The following LRMDA variants were observed in gnomAD, a reference collection of about 807,000 sequenced individuals.
LRMDA encodes leucine-rich melanocyte differentiation-associated protein.
In LRMDA, 18 loss-of-function variants were observed where a neutral mutation model predicts 29.8. That is an observed-to-expected ratio of 0.60 (90% CI 0.42 to 0.90). The LOEUF (loss-of-function observed/expected upper bound fraction) is 0.90, where lower values mean the gene tolerates loss of function less well. Ranked by LOEUF, LRMDA falls within the 40% of genes least tolerant of loss-of-function variation. The pLI, the probability that LRMDA is intolerant of heterozygous loss-of-function variation, is 0.00. For missense variants in LRMDA, 273 were observed against 273.9 expected (o/e 1.00, Z 0.02); for synonymous variants, 125 against 109.4 (o/e 1.14, Z -0.89).
chr10:76,401,289 G>A (rs1371667002), intron 6 of LRMDA, among the ~76,000 whole-genome samples: 1 of 152,198 alleles, frequency 6.6e-6, no homozygotes, highest in African/African-American at 2.4e-5. Context: ...CAAAACAGAA[G>A]TGGTTTGTGG....
chr10:76,128,394 A>G (rs191910449), intron 5 of LRMDA, among the ~76,000 whole-genome samples: 10 of 152,312 alleles, frequency 6.6e-5, no homozygotes, highest in Admixed American at 4.6e-4. Context: ...AGTTCTGTCA[A>G]TGCTTTTCAG....
chr10:76,430,331 A>C (rs1482134766), intron 6 of LRMDA, among the ~76,000 whole-genome samples: 1 of 152,226 alleles, frequency 6.6e-6, no homozygotes, highest in Non-Finnish European at 1.5e-5. Flanking sequence ...GAGGAGTTCA[A>C]GAATCTTTTC....
chr10:76,028,979 G>C (rs1848107250), intron 2 of LRMDA, among the ~76,000 whole-genome samples: 2 of 152,224 alleles, frequency 1.3e-5, no homozygotes, highest in Middle Eastern at 3.4e-3. Context: ...ACCACGCCCA[G>C]CTAATTTTTG....
chr10:75,506,091 C>A (rs548218050), intron 2 of LRMDA, among the ~76,000 whole-genome samples: 12 of 151,860 alleles, frequency 7.9e-5, no homozygotes, highest in Admixed American at 3.9e-4. Context: ...AGTCAATGAA[C>A]CATAAGTAGA....
intron 2 of LRMDA, among the ~76,000 whole-genome samples, chr10:75,551,476 C>G (rs1307077032): frequency 6.6e-6 from 1 of 151,950 alleles, no homozygotes; most frequent in Non-Finnish European, 1.5e-5. Context: ...TAATGCTACC[C>G]CTCCCCTAGC....
intron 5 of LRMDA, among the ~76,000 whole-genome samples, chr10:76,228,365 C>T (rs760455163): frequency 2.6e-5 from 4 of 152,060 alleles, no homozygotes; most frequent in Non-Finnish European, 5.9e-5. Flanking sequence ...TCCTTGGTGC[C>T]CTCTGCATAA....
At chr10:76,016,827 A>T (rs763656579) in intron 2 of LRMDA, among the ~76,000 whole-genome samples, 1 of 152,242 alleles carries the variant, frequency 6.6e-6, no homozygotes, top group Non-Finnish European at 1.5e-5. Flanking sequence ...CCGCCGCATC[A>T]GTGCTCAGGG....
rs548856204 is a variant in LRMDA, at chr10:76,259,212, T to C, written c.517-65189T>C. 2.8e-4 allele frequency among the ~76,000 whole-genome samples: 43 copies of C among 152,264 alleles called. No individual in the cohort carries two copies. In the South Asian group the frequency reaches 8.7e-3, roughly 31 times the overall value. ...GTTTTGATTTACGTTTCCTTGATGA[T>C]TAGTGATGTTGGGTATTTGAAAATA... On this transcript the variant is annotated intron_variant, in intron 5 of 6. Transcript: ENST00000611255.
At chr10:75,446,744 C>T (rs1443095878) in intron 2 of LRMDA, among the ~76,000 whole-genome samples, 2 of 152,136 alleles carry the variant, frequency 1.3e-5, no homozygotes, top group Non-Finnish European at 2.9e-5. Context: ...TCCAACTGTC[C>T]CTGATATTCC....
At position 75,934,033 on chromosome 10, in the gene LRMDA, C is replaced by T. The variant is rs974494731; in HGVS notation, c.132-101975C>T. Among the ~76,000 whole-genome samples, 4 of 152,154 alleles carry T rather than the reference C, an allele frequency of 2.6e-5. No homozygotes were observed. In the South Asian group the frequency reaches 6.2e-4, roughly 24 times the overall value. On this transcript the variant is annotated intron_variant, in intron 2 of 6. Coordinates refer to ENST00000611255, the MANE Select transcript of LRMDA (RefSeq NM_001305581.2). ...TTAGTGATGAGAGGACCAAGCAGCT[C>T]CAGCCTTCTTGGTTAGCTCTGTGGC...
At chr10:76,229,414 A>T (rs1158084088) in intron 5 of LRMDA, among the ~76,000 whole-genome samples, 1 of 152,200 alleles carries the variant, frequency 6.6e-6, no homozygotes, top group Non-Finnish European at 1.5e-5. Context: ...AGAACAGATG[A>T]TGTCCTGGGA....
intron 5 of LRMDA, among the ~76,000 whole-genome samples, chr10:76,133,518 G>C (rs1283394282): frequency 6.6e-6 from 1 of 152,168 alleles, no homozygotes; most frequent in African/African-American, 2.4e-5. Flanking sequence ...GGTGCAGGTA[G>C]GGTCAGCAAA....
chr10:76,131,663 GTT>G (rs200365082), intron 5 of LRMDA, among the ~76,000 whole-genome samples: 21,934 of 146,474 alleles, frequency 0.15, 1,936 homozygotes, highest in Admixed American at 0.23. Context: ...TATTTTGATG[GTT>G]TTTTTTTTTA....
At chr10:76,518,104 G>C (rs773616604) in intron 6 of LRMDA, among the ~76,000 whole-genome samples, 2 of 151,708 alleles carry the variant, frequency 1.3e-5, no homozygotes, top group Non-Finnish European at 2.9e-5. Context: ...TGTCCTATTA[G>C]ATGAAAAAAT....
At chr10:75,590,569 T>C (rs1314068770) in intron 2 of LRMDA, among the ~76,000 whole-genome samples, 1 of 150,994 alleles carries the variant, frequency 6.6e-6, no homozygotes, top group Non-Finnish European at 1.5e-5. Context: ...GGAAGAGGAG[T>C]GAAAAGAGAA....
intron 2 of LRMDA, among the ~76,000 whole-genome samples, chr10:75,622,796 A>G (rs1300911418): frequency 1.3e-5 from 2 of 152,206 alleles, no homozygotes; most frequent in Non-Finnish European, 2.9e-5. Context: ...AATTATTAAG[A>G]TACACTGCTT....
At chr10:75,552,462 T>C (rs377286451) in intron 2 of LRMDA, 2 of 365,550 alleles carry the variant, frequency 5.5e-6, no homozygotes, top group South Asian at 4.0e-5. Flanking sequence ...TTTCACTGTA[T>C]CCTTGGTTTT....
chr10:76,304,300 A>C (rs929484601), intron 5 of LRMDA, among the ~76,000 whole-genome samples: 2 of 152,170 alleles, frequency 1.3e-5, no homozygotes, highest in Non-Finnish European at 2.9e-5. Context: ...TAGAAACTAC[A>C]GGCTTGGTTT....
chr10:76,528,324 T>C (rs975284536), intron 6 of LRMDA, among the ~76,000 whole-genome samples: 4 of 152,160 alleles, frequency 2.6e-5, no homozygotes, highest in Non-Finnish European at 5.9e-5. Flanking sequence ...CAATGTTATA[T>C]AGTATTCAAG....
Sources: gnomAD v4.1 joint callset for allele counts (sites outside exome capture counted in the v4.1 genomes callset) on GRCh38, gnomAD v4.1.1 for gene constraint, MANE v1.5 for transcripts, NCBI Gene and HGNC (gene_info 2026-07-23, HGNC 2026-07-21) for gene names.